Variants in DNAH1 observed in about 807,000 individuals in gnomAD.
DNAH1 encodes axonemal beta dynein heavy chain 1.
DNAH1 carries 327 observed loss-of-function variants against 484.3 expected under a neutral mutation model. The observed-to-expected ratio is 0.68, with a 90% CI of 0.62 to 0.74. DNAH1 has a LOEUF of 0.74. DNAH1 is among the 30% of genes least tolerant of loss of function. The pLI, the probability that DNAH1 is intolerant of heterozygous loss-of-function variation, is 0.00. For synonymous variants in DNAH1, 2,192 were observed against 2,191.9 expected (o/e 1.00, Z 0.00); for missense variants, 5,052 against 5,546.8 (o/e 0.91, Z 2.83).
At chr3:52,315,527 C>A (rs1335825177), upstream of DNAH1, among the ~76,000 whole-genome samples, 1 of 152,222 alleles carries the variant, frequency 6.6e-6, no homozygotes, top group African/African-American at 2.4e-5. Context: ...CCATCTGCCC[C>A]AATCCCCCAG....
chr3:52,364,897 A>T lies in DNAH1; in HGVS notation c.5396A>T (p.Lys1799Met). 6.2e-7 allele frequency: 1 copy of T among 1,613,976 alleles called. No homozygotes were observed. Among genetic ancestry groups the T allele is most frequent in the Non-Finnish European group, 8.5e-7 (1 of 1,179,880 alleles). ...NVPKFLQEDL[K>M]LFSGIVSDLF... is the part of the protein sequence containing the mutation. Reference sequence around the variant, plus strand: ...CCCAAGTTCCTGCAGGAGGACCTCAAGCTCTTCTCTGGCATCGTGTCCGAC... The same window carrying T: ...CCCAAGTTCCTGCAGGAGGACCTCATGCTCTTCTCTGGCATCGTGTCCGAC... Residue 1799 changes from lysine to methionine, a missense_variant, in exon 34 of 78, where the codon AAG becomes ATG. Transcript: ENST00000420323. The surrounding 1 kb of genome is among the most constrained non-coding windows in gnomAD (Gnocchi z 4.2).
chr3:52,335,333 G>A (rs1467354364), intron 8 of DNAH1, among the ~76,000 whole-genome samples: 1 of 141,948 alleles, frequency 7.0e-6, no homozygotes, highest in African/African-American at 2.7e-5. Flanking sequence ...GGGATTACAG[G>A]CATGATCTAT....
In DNAH1 at chr3:52,352,708, G is replaced by A; in HGVS notation, c.3027+1G>A. On this transcript the variant is annotated splice_donor_variant, in intron 18 of 77. Coordinates refer to ENST00000420323, the MANE Select transcript of DNAH1 (RefSeq NM_015512.5). LOFTEE classifies it high-confidence loss of function. ...CATCTTCAGCTTGCCCATCACCAAT[G>A]TAGGCCTCCTGCAGGCACCCTGCCC... 2 of 1,608,134 alleles carry A rather than the reference G, an allele frequency of 1.2e-6. No individual in the cohort carries two copies. The highest frequency in any genetic ancestry group is 1.7e-6 in the Non-Finnish European group (2 of 1,175,882).
chr3:52,392,769 T>C, intron 64 of DNAH1, 61 bp from the exon 65 acceptor site: 1 of 1,131,332 alleles, frequency 8.8e-7, no homozygotes, highest in Non-Finnish European at 1.2e-6. Flanking sequence ...GCCCTAGGCC[T>C]GCCCCCCAAA....
intron 6 of DNAH1, 82 bp from the exon 7 acceptor site, chr3:52,331,066 C>T (rs1701525640): frequency 2.0e-6 from 3 of 1,472,070 alleles, no homozygotes; most frequent in Middle Eastern, 2.1e-4. Context: ...GAGACCCATT[C>T]CCAGCGATGC....
intron 59 of DNAH1, among the ~76,000 whole-genome samples, chr3:52,389,216 T>G (rs1451847838): frequency 2.0e-5 from 3 of 152,282 alleles, no homozygotes; most frequent in Non-Finnish European, 2.9e-5. Context: ...ACATGCCACC[T>G]GTGTCCCATT....
Position 52,375,707 on chromosome 3 carries a change from T to C in DNAH1, c.7160-248T>C, listed in dbSNP as rs1703560480. Among the ~76,000 whole-genome samples the C allele has an allele frequency of 2.6e-5, 4 of 152,216 alleles. No individual in the cohort carries two copies. In the South Asian group the frequency reaches 8.3e-4, roughly 32 times the overall value. On this transcript the variant is annotated intron_variant, in intron 45 of 77. Transcript: ENST00000420323. ...TTGCTGGATGTATGATGCACACAGA[T>C]ATGCACTCACTCACATACATACATA...
Position 52,360,346 on chromosome 3 carries a change from C to A in DNAH1, c.4607C>A (p.Ala1536Asp). Residue 1536 changes from alanine (A) to aspartate (D), a missense_variant, in exon 28 of 78, where the codon GCT (alanine) becomes GAT (aspartate). By Grantham distance (126) the Ala-to-Asp change is moderately radical (BLOSUM62 -2). Coordinates refer to ENST00000420323, the MANE Select transcript of DNAH1 (RefSeq NM_015512.5). ...ACAAATAATGACCTGTATATCCGTG[C>A]TGTGAATGCTGAGTTCATCTATGGC... Reference protein sequence around the residue: ...YWTNNDLYIRAVNAEFIYGYE... With the variant: ...YWTNNDLYIRDVNAEFIYGYE... 1 of 1,613,994 alleles carries A rather than the reference C, an allele frequency of 6.2e-7. No individual in the cohort carries two copies. Among genetic ancestry groups the A allele is most frequent in the Non-Finnish European group, 8.5e-7 (1 of 1,179,864 alleles).
chr3:52,375,511 G>T (rs1422672472), intron 45 of DNAH1, 98 bp downstream of exon 45: 2 of 1,377,408 alleles, frequency 1.5e-6, no homozygotes, highest in Non-Finnish European at 2.0e-6. Context: ...GGGTGGAGTG[G>T]CCAAACCATG....
In DNAH1 at chr3:52,320,800, CTTTTTTTTTTTT is replaced by C. The variant is rs556409465; in HGVS notation, c.-34-1600_-34-1589del. Among the ~76,000 whole-genome samples the C allele has an allele frequency of 6.4e-5, 8 of 125,068 alleles. No individual in the cohort carries two copies. In the East Asian group the frequency reaches 1.7e-3, roughly 27 times the overall value. 82.0% of individuals were successfully genotyped at this position (125,068 alleles called of 152,430 possible). Reference sequence around the variant, plus strand: ...TGCTTTCCTTTTCTTTCTTTCTTTCCTTTTTTTTTTTTTTTTTTTTGACGGAATCTCGCTCTG... The same window carrying C: ...TGCTTTCCTTTTCTTTCTTTCTTTCCTTTTTTTTGACGGAATCTCGCTCTG... On this transcript the variant is annotated intron_variant, in intron 1 of 77. Transcript: ENST00000420323.
chr3:52,386,975 G>A, intron 56 of DNAH1, 122 bp downstream of exon 56: 1 of 1,042,512 alleles, frequency 9.6e-7, no homozygotes, highest in Non-Finnish European at 1.4e-6. Context: ...CCTCTGTCCT[G>A]TCTCTCTCTG....
rs1261526104 is a variant in DNAH1 at position 52,392,663 on chromosome 3, T to C, written c.10252T>C (p.Ser3418Pro). The change falls in exon 64 of 78, where the codon TCC becomes CCC. Residue 3418 changes from serine to proline, a missense_variant. Ser to Pro is a moderately conservative substitution (Grantham distance 74). Transcript: ENST00000420323. ...GGAACTCATCAAGGTGCTGGAAGCC[T>C]CCAAGATGAAGGCTGCTGAGATCCA... Reference protein sequence around the residue: ...DMELIKVLEASKMKAAEIQAK... With the variant: ...DMELIKVLEAPKMKAAEIQAK... 6.2e-7 allele frequency: 1 copy of C among 1,606,500 alleles called. No homozygotes were observed. Among genetic ancestry groups the C allele is most frequent in the Non-Finnish European group, 8.5e-7 (1 of 1,176,448 alleles).
In DNAH1 at chr3:52,368,733, C is replaced by T. The variant is rs757582888; in HGVS notation, c.5766-8C>T. On this transcript the variant is annotated splice_region_variant and splice_polypyrimidine_tract_variant and intron_variant, in intron 36 of 77. Coordinates refer to ENST00000420323, the MANE Select transcript of DNAH1 (RefSeq NM_015512.5). This position sits in a 1 kb window ranked among gnomAD's most constrained non-coding sequence, Gnocchi z 4.4. ...ATGTTTCCAGCCCTCTCCTCCCTGG[C>T]GCTGCAGGACAGACGGGATATTCTC... 7.5e-6 allele frequency: 12 copies of T among 1,608,722 alleles called. No individual in the cohort carries two copies. The highest frequency in any genetic ancestry group is 5.0e-5 in the Admixed American group (3 of 59,912).
chr3:52,334,465 A>G (rs1212762458), intron 8 of DNAH1, among the ~76,000 whole-genome samples: 1 of 152,102 alleles, frequency 6.6e-6, no homozygotes, highest in Non-Finnish European at 1.5e-5. Flanking sequence ...TTTATTTTAA[A>G]TTTTTCTTTC....
At chr3:52,397,300 C>A (rs1054584557) in intron 73 of DNAH1, among the ~76,000 whole-genome samples, 2 of 152,066 alleles carry the variant, frequency 1.3e-5, no homozygotes, top group Non-Finnish European at 2.9e-5. Flanking sequence ...AGGCTTGGGG[C>A]AGCTCCTCCA....
chr3:52,321,414 C>T (rs901203423), intron 1 of DNAH1, among the ~76,000 whole-genome samples: 7 of 152,248 alleles, frequency 4.6e-5, no homozygotes, highest in Admixed American at 6.5e-5. Flanking sequence ...CCGCCCCGGC[C>T]TCTTTTTTTC....
chr3:52,395,356 C>T lies in DNAH1; in HGVS notation c.11017C>T (p.Leu3673Phe). Reference protein sequence around the residue: ...VFKDSNSTTPLIFVLSPGTDP... With the variant: ...VFKDSNSTTPFIFVLSPGTDP... ...CAAAGACTCCAACTCCACCACACCC[C>T]TCATCTTTGTGCTGTCACCCGGCAC... The change falls in exon 69 of 78, where the codon CTC becomes TTC. Residue 3673 changes from leucine to phenylalanine, a missense_variant. Coordinates refer to ENST00000420323, the MANE Select transcript of DNAH1 (RefSeq NM_015512.5). This position sits in a 1 kb window ranked among gnomAD's most constrained non-coding sequence, Gnocchi z 4.4. 1 of 1,613,846 alleles carries T rather than the reference C, an allele frequency of 6.2e-7. No individual in the cohort carries two copies. Among genetic ancestry groups the T allele is most frequent in the Non-Finnish European group, 8.5e-7 (1 of 1,179,872 alleles).
Position 52,358,454 on chromosome 3 carries a change from T to G in DNAH1, c.4087-104T>G. 8.0e-7 allele frequency: 1 copy of G among 1,244,844 alleles called. No homozygotes were observed. The highest frequency in any genetic ancestry group is 1.1e-6 in the Non-Finnish European group (1 of 914,792). The allele number at this position is 1,244,844 out of a possible 1,614,324, so 77.1% of individuals were successfully genotyped here. ...GGGGGACGGGAAGGCAGGGCTTTCT[T>G]CTTGAGGTGGAGGGCACCGGGCAGG... On this transcript the variant is annotated intron_variant, in intron 24 of 77. Coordinates refer to ENST00000420323, the MANE Select transcript of DNAH1 (RefSeq NM_015512.5). This position sits in a 1 kb window ranked among gnomAD's most constrained non-coding sequence, Gnocchi z 4.2.
In DNAH1 at chr3:52,359,415, C is replaced by T. The variant is rs779760273; in HGVS notation, c.4407+29C>T. 9 of 1,558,472 alleles carry T rather than the reference C, an allele frequency of 5.8e-6. No individual in the cohort carries two copies. The East Asian group carries it at 9.6e-5, about 17-fold the overall frequency. ...GGAGTCAAGAGGACCCCTGTCTGTC[C>T]CCCTCCACCCCCTACATGGCACAGG... is the stretch of plus-strand genomic sequence containing the variant. On this transcript the variant is annotated intron_variant, in intron 26 of 77. Coordinates refer to ENST00000420323, the MANE Select transcript of DNAH1 (RefSeq NM_015512.5).
Sources: allele counts gnomAD v4.1 joint callset (sites outside exome capture counted in the v4.1 genomes callset), GRCh38; gene constraint gnomAD v4.1.1; non-coding constraint Gnocchi (gnomAD v3.1); transcripts MANE v1.5; gene names NCBI Gene and HGNC (gene_info 2026-07-23, HGNC 2026-07-21).